SLC45A4: variants seen among roughly 807,000 people sequenced by gnomAD.
SLC45A4 encodes the protein polyamine-transporter SLC45A4.
In SLC45A4, 32 loss-of-function variants were observed where a neutral mutation model predicts 63.7. That is an observed-to-expected ratio of 0.50 (90% CI 0.38 to 0.67). SLC45A4 has a LOEUF of 0.67. Among genes scored for constraint, SLC45A4 ranks in the 30% least tolerant of loss-of-function variants. The probability of loss-of-function intolerance (pLI) is 0.00; values close to 1 mark genes in which losing one functional copy is unlikely to be tolerated. For missense variants in SLC45A4, 1,027 were observed against 1,157.7 expected (o/e 0.89, Z 1.64); for synonymous variants, 535 against 510.0 (o/e 1.05, Z -0.66).
At position 141,218,899 on chromosome 8, in the gene SLC45A4, G is replaced by C. The variant is rs1483979854; in HGVS notation, c.741C>G (p.Ala247=). 6.2e-7 allele frequency: 1 copy of C among 1,613,722 alleles called. No individual in the cohort carries two copies. The highest frequency in any genetic ancestry group is 8.5e-7 in the Non-Finnish European group (1 of 1,179,946). The change falls in exon 5 of 9, where the codon GCC becomes GCG. Residue 247 remains alanine, a synonymous_variant. Coordinates refer to ENST00000517878, the MANE Select transcript of SLC45A4 (RefSeq NM_001286646.2). The stretch of plus-strand genomic sequence containing the variant: ...CCTCGTCGATGCTGAACAGGTGCAG[G>C]GCCACGGACACCGTGAAGATGATGG... ...FAAIIFTVSV[A]LHLFSIDEEQ...
Position 141,231,280 on chromosome 8 carries a change from G to A in SLC45A4, c.242-9515C>T, listed in dbSNP as rs550339407. ...CTCTGGGCTGAGAGTGTGGCCCCTC[G>A]CGCCAGAGGCAGCAGGGACCCCTCA... On this transcript the variant is annotated intron_variant, in intron 2 of 8. Coordinates refer to ENST00000517878, the MANE Select transcript of SLC45A4 (RefSeq NM_001286646.2). Among the ~76,000 whole-genome samples, 9 of 152,306 alleles carry A rather than the reference G, an allele frequency of 5.9e-5. No homozygotes were observed. In the East Asian group the frequency reaches 9.7e-4, roughly 16 times the overall value.
At position 141,256,710 on chromosome 8, in the gene SLC45A4, CT is replaced by C. The variant is rs1569558892; in HGVS notation, c.-400-2082del. 6.8e-6 allele frequency: 3 copies of C among 440,638 alleles called. No homozygotes were observed. The highest frequency in any genetic ancestry group is 6.0e-5 in the African/African-American group (3 of 49,758). The allele number at this position is 440,638 out of a possible 1,614,324, so 27.3% of individuals were successfully genotyped here. On this transcript the variant is annotated intron_variant, in intron 1 of 8. Transcript: ENST00000517878. This position sits in a 1 kb window ranked among gnomAD's most constrained non-coding sequence, Gnocchi z 4.3. ...CCTATGTATTTGCTTCTTACGTCCC[CT>C]GAACGTCGCTACGATTCCACACGAC...
intron 2 of SLC45A4, among the ~76,000 whole-genome samples, chr8:141,232,012 G>T (rs1290829681): frequency 6.6e-6 from 1 of 152,028 alleles, no homozygotes; most frequent in African/African-American, 2.4e-5. Context: ...AAAATGGCAG[G>T]AACAGTACAT....
intron 1 of SLC45A4, among the ~76,000 whole-genome samples, chr8:141,280,682 G>A (rs1444480925): frequency 6.6e-6 from 1 of 152,138 alleles, no homozygotes; most frequent in Non-Finnish European, 1.5e-5. Context: ...TGCCCCACCC[G>A]TACCTCCACC....
At chr8:141,228,272 A>G in intron 2 of SLC45A4, 1 of 1,613,410 alleles carries the variant, frequency 6.2e-7, no homozygotes, top group Non-Finnish European at 8.5e-7. Flanking sequence ...CCCATAGATG[A>G]TGCTGTCCCT....
At chr8:141,281,505 G>A (rs1183224778) in intron 1 of SLC45A4, among the ~76,000 whole-genome samples, 1 of 152,240 alleles carries the variant, frequency 6.6e-6, no homozygotes, top group East Asian at 1.9e-4. Context: ...GGACAGAGCG[G>A]TTGCTAATGG....
chr8:141,224,777 C>CT (rs1826874179), intron 2 of SLC45A4: 1 of 152,316 alleles, frequency 6.6e-6, no homozygotes, highest in Non-Finnish European at 1.5e-5. Flanking sequence ...ATCCCATTCT[C>CT]TATTTCCTTT....
At chr8:141,212,953 GTA>G (rs779812524) in intron 7 of SLC45A4, among the ~76,000 whole-genome samples, 62 of 152,238 alleles carry the variant, frequency 4.1e-4, no homozygotes, top group Non-Finnish European at 8.2e-4. Flanking sequence ...GCCTCCCAAA[GTA>G]TAACTGCAGG....
intron 2 of SLC45A4, among the ~76,000 whole-genome samples, chr8:141,239,630 T>C (rs899979791): frequency 6.6e-6 from 1 of 152,046 alleles, no homozygotes; most frequent in African/African-American, 2.4e-5. Context: ...ATGAGGTGCA[T>C]TTTCACCTGA....
At chr8:141,304,268 T>TACACACAC (rs59200665) in intron 1 of SLC45A4, among the ~76,000 whole-genome samples, 1,782 of 150,996 alleles carry the variant, frequency 0.012, 26 homozygotes, top group African/African-American at 0.034. Flanking sequence ...GACTCTTAAA[T>TACACACAC]ACACACACAC....
At chr8:141,230,424 GCA>G (rs1569558259) in intron 2 of SLC45A4, 1 of 320,468 alleles carries the variant, frequency 3.1e-6, no homozygotes, top group Non-Finnish European at 6.2e-6. Flanking sequence ...ACAGGGCCCT[GCA>G]CACTCACAGG....
At chr8:141,262,443 G>C (rs1829075940) in intron 1 of SLC45A4, among the ~76,000 whole-genome samples, 1 of 150,142 alleles carries the variant, frequency 6.7e-6, no homozygotes, top group Non-Finnish European at 1.5e-5. Context: ...CTACAAAATG[G>C]GAGAAAATTT....
intron 1 of SLC45A4, among the ~76,000 whole-genome samples, chr8:141,291,704 C>T (rs1039710174): frequency 1.3e-5 from 2 of 152,238 alleles, no homozygotes; most frequent in East Asian, 1.9e-4. Flanking sequence ...ACAAATCAGG[C>T]GAGCAGTGGT....
chr8:141,296,563 T>C (rs1486057241), intron 1 of SLC45A4, among the ~76,000 whole-genome samples: 1 of 140,878 alleles, frequency 7.1e-6, no homozygotes, highest in Non-Finnish European at 1.5e-5. Context: ...AGGCCAGGCG[T>C]GGTGGCTCAC....
intron 1 of SLC45A4, among the ~76,000 whole-genome samples, chr8:141,258,164 C>A (rs1487504362): frequency 6.6e-6 from 1 of 151,358 alleles, no homozygotes; most frequent in African/African-American, 2.4e-5. Context: ...GATCTGCCCC[C>A]TGGGTCACAG....
chr8:141,268,803 G>A (rs1475052768), intron 1 of SLC45A4, among the ~76,000 whole-genome samples: 1 of 152,118 alleles, frequency 6.6e-6, no homozygotes, highest in Non-Finnish European at 1.5e-5. Flanking sequence ...GCTTACACCT[G>A]AACAAAGTGT....
rs1279113736 is a variant in SLC45A4 at position 141,210,867 on chromosome 8, C to T, written c.*705G>A. 6.6e-6 allele frequency: 1 copy of T among 152,272 alleles called. No homozygotes were observed. The highest frequency in any genetic ancestry group is 1.5e-5 in the Non-Finnish European group (1 of 68,074). The allele number at this position is 152,272 out of a possible 1,614,324, so 9.4% of individuals were successfully genotyped here. ...CCGACCGTTTCAAATAGGCTTAGTTCTAAAGAGACTGTGGTTTGGAAAACA... is the reference window on the plus strand; with the variant it reads ...CCGACCGTTTCAAATAGGCTTAGTTTTAAAGAGACTGTGGTTTGGAAAACA... On this transcript the variant is annotated 3_prime_UTR_variant, in exon 9 of 9. Transcript: ENST00000517878.
At position 141,218,258 on chromosome 8, in the gene SLC45A4, A is replaced by G; in HGVS notation, c.1382T>C (p.Met461Thr). Residue 461 changes from methionine (M) to threonine (T), a missense_variant, in exon 5 of 9, where the codon ATG (methionine) becomes ACG (threonine). Coordinates refer to ENST00000517878, the MANE Select transcript of SLC45A4 (RefSeq NM_001286646.2). The stretch of plus-strand genomic sequence containing the variant: ...CCGGTGCTGCCGCTGCCGCTTCTGC[A>G]TGTCGTACAGGTCGCTCATGCTGCG... The part of the protein sequence containing the change: ...PSRSMSDLYD[M>T]QKRQRQHRHR... 1 of 1,602,844 alleles carries G rather than the reference A, an allele frequency of 6.2e-7. No homozygotes were observed. Among genetic ancestry groups the G allele is most frequent in the Non-Finnish European group, 8.5e-7 (1 of 1,179,728 alleles).
chr8:141,247,212 G>C lies in SLC45A4; in HGVS notation c.241+6777C>G, dbSNP rs563795927. On this transcript the variant is annotated intron_variant, in intron 2 of 8. Transcript: ENST00000517878. ...TTAAAAGTTACTGGAACTACTAAGT[G>C]AGTTTGGCAAAATTGCAAGGTATAA... is the stretch of plus-strand genomic sequence containing the variant. 3.6e-5 allele frequency among the ~76,000 whole-genome samples: 4 copies of C among 111,582 alleles called. 1 individual carries two copies. In the South Asian group the frequency reaches 1.1e-3, roughly 32 times the overall value. The allele number at this position is 111,582 out of a possible 152,430, so 73.2% of individuals were successfully genotyped here. A position where few individuals can be genotyped will look rare whatever the true frequency, so the allele number is the denominator to read the frequency against.
Sources: gnomAD v4.1 joint callset for allele counts (sites outside exome capture counted in the v4.1 genomes callset) on GRCh38, gnomAD v4.1.1 for gene constraint, Gnocchi (gnomAD v3.1) non-coding constraint, MANE v1.5 for transcripts, NCBI Gene and HGNC (gene_info 2026-07-23, HGNC 2026-07-21) for gene names.